Variants in SIGLEC12 observed in about 807,000 individuals in gnomAD.
SIGLEC12 encodes sialic acid-binding Ig-like lectin 12.
A neutral mutation model predicts 54.1 loss-of-function variants in SIGLEC12; 43 were observed. The observed-to-expected ratio is 0.80, with a 90% CI of 0.62 to 1.03. SIGLEC12 has a LOEUF of 1.03. SIGLEC12 is among the 50% of genes least tolerant of loss of function. The probability of loss-of-function intolerance (pLI) is 0.00; values close to 1 mark genes in which losing one functional copy is unlikely to be tolerated. For missense variants in SIGLEC12, 802 were observed against 735.2 expected (o/e 1.09, Z -1.05); for synonymous variants, 357 against 307.6 (o/e 1.16, Z -1.68).
chr19:51,501,496 T>C lies in SIGLEC12; in HGVS notation c.238A>G (p.Asn80Asp). Residue 80 changes from asparagine (N) to aspartate (D), a missense_variant, in exon 1 of 8, where the codon AAC (asparagine) becomes GAC (aspartate). Transcript: ENST00000291707. ...VSRNIPVATNNPARAVQEETR... is the reference protein window; with the variant it reads ...VSRNIPVATNDPARAVQEETR... ...TCCTCCTGCACTGCTCGAGCTGGGT[T>C]GTTTGTGGCCACTGGAATGTTCCGG... The C allele has an allele frequency of 6.2e-7, 1 of 1,613,010 alleles. No homozygotes were observed.
At position 51,498,041 on chromosome 19, in the gene SIGLEC12, A is replaced by C; in HGVS notation, c.1382T>G (p.Leu461Arg). 6.2e-7 allele frequency: 1 copy of C among 1,614,118 alleles called. No homozygotes were observed. The change falls in exon 5 of 8, where the codon CTC becomes CGC. Residue 461 changes from leucine to arginine, a missense_variant. Physicochemically the swap from Leu to Arg is moderately radical, Grantham distance 102. Coordinates refer to ENST00000291707, the MANE Select transcript of SIGLEC12 (RefSeq NM_053003.4). ...PLGSQHISLS[L>R]SLQNEYTGKM... ...ACCTGTGTACTCGTTTTGCAGGGAG[A>C]GGCTCAGGGAAATGTGCTGGGAGCC...
At position 51,498,300 on chromosome 19, in the gene SIGLEC12, A is replaced by G. The variant is rs778675768; in HGVS notation, c.1136-13T>C. On this transcript the variant is annotated splice_polypyrimidine_tract_variant and intron_variant, in intron 4 of 7. Transcript: ENST00000291707. ...AAGGTTGTGGATGCTGTAGAGAAAG[A>G]GACAGAAGGGCAGAGAGAGACAAAG... 3 of 1,589,118 alleles carry G rather than the reference A, an allele frequency of 1.9e-6. No individual in the cohort carries two copies. In the South Asian group the frequency reaches 3.4e-5, roughly 18 times the overall value.
intron 1 of SIGLEC12, among the ~76,000 whole-genome samples, chr19:51,501,076 C>T (rs1420856072): frequency 6.6e-6 from 1 of 152,106 alleles, no homozygotes; most frequent in Non-Finnish European, 1.5e-5. Context: ...GTGCCAGCGT[C>T]AGAGGCAGGA....
intron 5 of SIGLEC12, 107 bp from the exon 6 acceptor site, chr19:51,497,552 C>T (rs1010329682): frequency 5.4e-6 from 4 of 743,346 alleles, no homozygotes; most frequent in East Asian, 2.7e-5. Flanking sequence ...TCCCGCTTCC[C>T]GGACAGAAAG....
intron 7 of SIGLEC12, 28 bp from the exon 8 acceptor site, chr19:51,491,857 T>G: frequency 6.6e-7 from 1 of 1,510,380 alleles, no homozygotes; most frequent in Non-Finnish European, 8.8e-7. Context: ...AGGGAGTCAG[T>G]GCAGAGCAGT....
chr19:51,497,047 C>A (rs763154440), intron 6 of SIGLEC12, 71 bp from the exon 7 acceptor site: 32 of 1,610,108 alleles, frequency 2.0e-5, no homozygotes, highest in Non-Finnish European at 2.3e-5. Flanking sequence ...AACCCCTGCC[C>A]TGTATTTCCT....
chr19:51,499,242 C>T (rs1458318379), intron 3 of SIGLEC12, 25 bp from the exon 4 acceptor site: 2 of 1,612,984 alleles, frequency 1.2e-6, no homozygotes, highest in Admixed American at 3.3e-5. Flanking sequence ...CACGGAGTTC[C>T]CATCACTTTG....
rs774882475 is a variant in SIGLEC12 at position 51,500,279 on chromosome 19, C to T, written c.449G>A (p.Arg150Lys). The change falls in exon 2 of 8, where the codon AGA becomes AAA. Residue 150 changes from arginine (R) to lysine (K), a missense_variant. By Grantham distance (26) the Arg-to-Lys change is conservative (BLOSUM62 2). Coordinates refer to ENST00000291707, the MANE Select transcript of SIGLEC12 (RefSeq NM_053003.4). ...NVTASQDLLS[R>K]YRLEVPESVT... ...CGACTCTGGCACCTCCAGCCTGTATCTTGACAGTAGGTCCTGGGACGCTGT... is the reference window on the plus strand; with the variant it reads ...CGACTCTGGCACCTCCAGCCTGTATTTTGACAGTAGGTCCTGGGACGCTGT... 6.2e-7 allele frequency: 1 copy of T among 1,614,206 alleles called. No homozygotes were observed. The highest frequency in any genetic ancestry group is 1.7e-5 in the Admixed American group (1 of 60,022).
chr19:51,495,282 TGGATGGATGGATGGAC>T (rs1410230466), intron 7 of SIGLEC12, among the ~76,000 whole-genome samples: 36 of 127,030 alleles, frequency 2.8e-4, no homozygotes, highest in Admixed American at 5.6e-4. Context: ...GATGGATGGA[TGGATGGATGGATGGAC>T]GGACGGACGG....
rs1408789216 is a variant in SIGLEC12, at chr19:51,495,294, T to C, written c.1599+1586A>G. Among the ~76,000 whole-genome samples, 156 of 85,896 alleles carry C rather than the reference T, an allele frequency of 1.8e-3. 3 individuals carry two copies. The highest frequency in any genetic ancestry group is 2.7e-3 in the Non-Finnish European group (110 of 40,630). 56.4% of individuals were successfully genotyped at this position (85,896 alleles called of 152,430 possible). Reference sequence around the variant, plus strand: ...ATGGATGGATGGATGGATGGATGGATGGACGGACGGACGGGTGGGTGGATG... The same window carrying C: ...ATGGATGGATGGATGGATGGATGGACGGACGGACGGACGGGTGGGTGGATG... On this transcript the variant is annotated intron_variant, in intron 7 of 7. Transcript: ENST00000291707.
chr19:51,491,423 T>C lies in SIGLEC12; in HGVS notation c.*218A>G. 1.8e-6 allele frequency: 1 copy of C among 541,700 alleles called. No individual in the cohort carries two copies. Among genetic ancestry groups the C allele is most frequent in the Non-Finnish European group, 3.3e-6 (1 of 304,154 alleles). 33.6% of individuals were successfully genotyped at this position (541,700 alleles called of 1,614,324 possible). A position where few individuals can be genotyped will look rare whatever the true frequency, so the allele number is the denominator to read the frequency against. ...GACCTCAGAGAAGTAGAGAAGAGAA[T>C]GGTGGGTACCAGAGGCCGGGGGCGG... On this transcript the variant is annotated 3_prime_UTR_variant, in exon 8 of 8. Coordinates refer to ENST00000291707, the MANE Select transcript of SIGLEC12 (RefSeq NM_053003.4).
At position 51,499,508 on chromosome 19, in the gene SIGLEC12, G is replaced by C; in HGVS notation, c.1017C>G (p.Ser339Arg). The change falls in exon 3 of 8, where the codon AGC becomes AGG. Residue 339 changes from serine to arginine, a missense_variant. Transcript: ENST00000291707. Reference protein sequence around the residue: ...LIPQPQDHGTSLTCQVTLPGA... With the variant: ...LIPQPQDHGTRLTCQVTLPGA... ...CAGGCAAGGTCACCTGACAGGTGAG[G>C]CTGGTGCCATGGTCCTGGGGCTGTG... 1 of 1,609,778 alleles carries C rather than the reference G, an allele frequency of 6.2e-7. No individual in the cohort carries two copies. The highest frequency in any genetic ancestry group is 8.5e-7 in the Non-Finnish European group (1 of 1,177,900).
chr19:51,494,687 C>T (rs1272640278), intron 7 of SIGLEC12, among the ~76,000 whole-genome samples: 2 of 152,132 alleles, frequency 1.3e-5, no homozygotes, highest in African/African-American at 2.4e-5. Context: ...GCATTATTCA[C>T]AATAACCAAG....
chr19:51,498,025 C>T lies in SIGLEC12; in HGVS notation c.1398G>A (p.Glu466=). 6.2e-7 allele frequency: 1 copy of T among 1,614,234 alleles called. No individual in the cohort carries two copies. Among genetic ancestry groups the T allele is most frequent in the South Asian group, 1.1e-5 (1 of 91,086 alleles). Residue 466 remains glutamate (E), a synonymous_variant, in exon 5 of 8, where the codon GAG becomes GAA. Coordinates refer to ENST00000291707, the MANE Select transcript of SIGLEC12 (RefSeq NM_053003.4). ...HISLSLSLQN[E]YTGKMRPISG... ...AGACCCTCCCCTACCCACCTGTGTA[C>T]TCGTTTTGCAGGGAGAGGCTCAGGG...
Position 51,497,330 on chromosome 19 carries a change from C to A in SIGLEC12, c.1502+19G>T, listed in dbSNP as rs1037171845. ...CCTGCCCTCCCCCAAGGCTCTTCCTCCCCAGGGTCAATGCTCACACAACGA... is the reference window on the plus strand; with the variant it reads ...CCTGCCCTCCCCCAAGGCTCTTCCTACCCAGGGTCAATGCTCACACAACGA... On this transcript the variant is annotated intron_variant, in intron 6 of 7. Coordinates refer to ENST00000291707, the MANE Select transcript of SIGLEC12 (RefSeq NM_053003.4). 8 of 1,606,214 alleles carry A rather than the reference C, an allele frequency of 5.0e-6. No individual in the cohort carries two copies. In the African/African-American group the frequency reaches 1.1e-4, roughly 21 times the overall value.
At chr19:51,495,082 G>T (rs12463092) in intron 7 of SIGLEC12, among the ~76,000 whole-genome samples, 38,363 of 151,924 alleles carry the variant, frequency 0.25, 4,992 homozygotes, top group Middle Eastern at 0.29. Flanking sequence ...ATAAAGTTGA[G>T]GTGGTAAATT....
At chr19:51,496,656 G>A (rs1990246080) in intron 7 of SIGLEC12, among the ~76,000 whole-genome samples, 1 of 152,156 alleles carries the variant, frequency 6.6e-6, no homozygotes, top group Non-Finnish European at 1.5e-5. Context: ...GCAAGAGGCA[G>A]GGAGGTGAGG....
At position 51,496,899 on chromosome 19, in the gene SIGLEC12, A is replaced by G. The variant is rs996597904; in HGVS notation, c.1580T>C (p.Val527Ala). Reference protein sequence around the residue: ...GDTGMEDANAVRGSASQGPLI... With the variant: ...GDTGMEDANAARGSASQGPLI... ...ACTCACCTGAGAGGCTGAGCCCCTGACAGCGTTTGCGTCCTCCATGCCTGT... is the reference window on the plus strand; with the variant it reads ...ACTCACCTGAGAGGCTGAGCCCCTGGCAGCGTTTGCGTCCTCCATGCCTGT... The change falls in exon 7 of 8, where the codon GTC (valine) becomes GCC (alanine). Residue 527 changes from valine to alanine, a missense_variant. Physicochemically the swap from Val to Ala is moderately conservative, Grantham distance 64. Transcript: ENST00000291707. The G allele has an allele frequency of 1.2e-6, 2 of 1,614,048 alleles. No homozygotes were observed. The highest frequency in any genetic ancestry group is 1.3e-5 in the African/African-American group (1 of 75,044).
At chr19:51,494,626 G>T (rs1046366418) in intron 7 of SIGLEC12, among the ~76,000 whole-genome samples, 7 of 152,292 alleles carry the variant, frequency 4.6e-5, no homozygotes, top group African/African-American at 1.7e-4. Context: ...ACACCCAAAA[G>T]AATTAAAAGC....
Sources: gnomAD v4.1 joint callset for allele counts (sites outside exome capture counted in the v4.1 genomes callset) on GRCh38, gnomAD v4.1.1 for gene constraint, MANE v1.5 for transcripts, NCBI Gene and HGNC (gene_info 2026-07-23, HGNC 2026-07-21) for gene names.